The following CACNA2D3 variants were observed in gnomAD, a reference collection of about 807,000 sequenced individuals.
CACNA2D3 encodes the protein calcium voltage-gated channel auxiliary subunit alpha2delta 3, also known as voltage-dependent calcium channel subunit alpha-2/delta-3.
A neutral mutation model predicts 160.6 loss-of-function variants in CACNA2D3; 60 were observed. That is an observed-to-expected ratio of 0.37 (90% CI 0.30 to 0.46). CACNA2D3 has a LOEUF of 0.46. Among genes scored for constraint, CACNA2D3 ranks in the 20% least tolerant of loss-of-function variants. CACNA2D3 has a pLI of 1.00. For missense variants in CACNA2D3, 1,205 were observed against 1,365.0 expected (o/e 0.88, Z 1.85); for synonymous variants, 558 against 492.9 (o/e 1.13, Z -1.75).
intron 2 of CACNA2D3, among the ~76,000 whole-genome samples, chr3:54,239,281 A>G (rs1227181237): frequency 1.3e-5 from 2 of 152,238 alleles, no homozygotes; most frequent in African/African-American, 4.8e-5. Flanking sequence ...GCAAGAATGC[A>G]GTTATTGTAC....
intron 8 of CACNA2D3, 149 bp downstream of exon 8, chr3:54,570,253 T>C: frequency 6.9e-6 from 6 of 866,802 alleles, no homozygotes; most frequent in South Asian, 4.9e-5. Context: ...GACAGAGTCA[T>C]GGACAGTGGA....
chr3:54,868,845 C>T (rs1699461837), intron 17 of CACNA2D3, among the ~76,000 whole-genome samples: 1 of 152,160 alleles, frequency 6.6e-6, no homozygotes. Flanking sequence ...TGTGTCATTC[C>T]ACAAAATGCA....
intron 5 of CACNA2D3, among the ~76,000 whole-genome samples, chr3:54,543,059 T>C (rs1328269580): frequency 6.6e-6 from 1 of 152,198 alleles, no homozygotes; most frequent in African/African-American, 2.4e-5. Context: ...TTTTTCTCTT[T>C]ACATTTGTGA....
intron 3 of CACNA2D3, among the ~76,000 whole-genome samples, chr3:54,348,811 C>A (rs1411530819): frequency 6.6e-6 from 1 of 152,198 alleles, no homozygotes; most frequent in Admixed American, 6.5e-5. Flanking sequence ...TCACTGCAAC[C>A]TCCACCTCCC....
chr3:54,757,138 G>A (rs1166144686), intron 12 of CACNA2D3, among the ~76,000 whole-genome samples: 1 of 152,132 alleles, frequency 6.6e-6, no homozygotes, highest in African/African-American at 2.4e-5. Context: ...CTAACATTCA[G>A]TATGCCAAGA....
At chr3:54,379,268 A>G (rs1273039729) in intron 3 of CACNA2D3, among the ~76,000 whole-genome samples, 2 of 152,232 alleles carry the variant, frequency 1.3e-5, no homozygotes, top group African/African-American at 2.4e-5. Flanking sequence ...AGGTCATTTT[A>G]TACGAAATGT....
rs75269710 is a variant in CACNA2D3 at position 54,767,509 on chromosome 3, A to C, written c.1380+3158A>C. 4.7e-3 allele frequency among the ~76,000 whole-genome samples: 721 copies of C among 152,146 alleles called. 3 individuals carry two copies. Among genetic ancestry groups the C allele is most frequent in the African/African-American group, 0.016 (661 of 41,516 alleles). On this transcript the variant is annotated intron_variant, in intron 13 of 37. Transcript: ENST00000474759. ...CCTATGGGATTAGACTTGATTGGAA[A>C]ATCCCAACTCTGTCTTTCTAAAGGA...
chr3:54,634,582 A>T (rs1017383555), intron 10 of CACNA2D3: 1 of 152,050 alleles, frequency 6.6e-6, no homozygotes, highest in African/African-American at 2.4e-5. Flanking sequence ...CGGAAAAGAG[A>T]GTCAGCGAAG....
chr3:54,957,740 G>T (rs186609993), intron 27 of CACNA2D3, among the ~76,000 whole-genome samples: 1 of 152,028 alleles, frequency 6.6e-6, no homozygotes, highest in Non-Finnish European at 1.5e-5. Context: ...CATCCCTGGT[G>T]CCCATTGCTC....
intron 2 of CACNA2D3, among the ~76,000 whole-genome samples, chr3:54,276,058 T>G (rs1288409675): frequency 6.6e-6 from 1 of 152,162 alleles, no homozygotes; most frequent in Admixed American, 6.5e-5. Context: ...AAATCAGGGT[T>G]GGATTCTTTC....
intron 3 of CACNA2D3, among the ~76,000 whole-genome samples, chr3:54,331,457 C>T (rs1338651270): frequency 6.6e-6 from 1 of 152,170 alleles, no homozygotes; most frequent in Non-Finnish European, 1.5e-5. Flanking sequence ...TTAGAGCTTC[C>T]ATAATTCCCC....
chr3:54,748,390 G>A (rs1053774489), intron 11 of CACNA2D3, among the ~76,000 whole-genome samples: 1 of 152,102 alleles, frequency 6.6e-6, no homozygotes, highest in Admixed American at 6.6e-5. Context: ...GAAAAAATCT[G>A]GATGAGTTTT....
intron 11 of CACNA2D3, among the ~76,000 whole-genome samples, chr3:54,678,821 A>C (rs1235546994): frequency 2.0e-5 from 3 of 151,922 alleles, no homozygotes; most frequent in East Asian, 3.9e-4. Flanking sequence ...CTCAGGTTTA[A>C]AAATTAAATG....
At chr3:54,702,469 T>C (rs556110767) in intron 11 of CACNA2D3, among the ~76,000 whole-genome samples, 12 of 152,242 alleles carry the variant, frequency 7.9e-5, no homozygotes, top group African/African-American at 2.9e-4. Context: ...AAAAGACATG[T>C]GCATGGCCAA....
chr3:54,359,587 C>T (rs760926616), intron 3 of CACNA2D3, among the ~76,000 whole-genome samples: 48 of 152,284 alleles, frequency 3.2e-4, no homozygotes, highest in Non-Finnish European at 5.4e-4. Flanking sequence ...CTCTGGAACA[C>T]AAGTTCCAGG....
At chr3:54,453,932 A>G (rs1446371720) in intron 4 of CACNA2D3, among the ~76,000 whole-genome samples, 3 of 152,178 alleles carry the variant, frequency 2.0e-5, no homozygotes, top group African/African-American at 4.8e-5. Context: ...CAGAGGTGCA[A>G]TCAGTGACAC....
At chr3:54,167,731 G>C (rs978830990) in intron 2 of CACNA2D3, among the ~76,000 whole-genome samples, 1 of 152,208 alleles carries the variant, frequency 6.6e-6, no homozygotes, top group Non-Finnish European at 1.5e-5. Context: ...GGAATAGTGA[G>C]GTCCTTGTCA....
rs151261121 is a variant in CACNA2D3 at position 54,692,164 on chromosome 3, G to A, written c.1167+49923G>A. The stretch of plus-strand genomic sequence containing the variant: ...AATTTTTGTATTCTTAGTAGTGACA[G>A]GGTTTCACCATGTTGGCCAGGTTGG... On this transcript the variant is annotated intron_variant, in intron 11 of 37. Coordinates refer to ENST00000474759, the MANE Select transcript of CACNA2D3 (RefSeq NM_018398.3). Among the ~76,000 whole-genome samples the A allele has an allele frequency of 1.3e-4, 20 of 152,244 alleles. No homozygotes were observed. In the East Asian group the frequency reaches 3.9e-3, roughly 29 times the overall value.
chr3:54,676,330 T>C (rs1326653641), intron 11 of CACNA2D3, among the ~76,000 whole-genome samples: 3 of 152,186 alleles, frequency 2.0e-5, no homozygotes, highest in Admixed American at 1.3e-4. Flanking sequence ...AATGGTTTTA[T>C]TGCTAGCTTG....
Sources: allele counts gnomAD v4.1 joint callset (sites outside exome capture counted in the v4.1 genomes callset), GRCh38; gene constraint gnomAD v4.1.1; transcripts MANE v1.5; gene names NCBI Gene and HGNC (gene_info 2026-07-23, HGNC 2026-07-21).